Variants in WWOX observed in about 807,000 individuals in gnomAD.
WWOX encodes WW domain containing oxidoreductase, also known as WW domain-containing oxidoreductase.
A neutral mutation model predicts 46.2 loss-of-function variants in WWOX; 69 were observed. The ratio of observed to expected loss-of-function variants is 1.49; its 90% CI spans 1.23 to 1.82. WWOX has a LOEUF of 1.82. Ranked by LOEUF, WWOX falls within the 40% of genes most tolerant of loss-of-function variation. The pLI, the probability that WWOX is intolerant of heterozygous loss-of-function variation, is 0.00. For synonymous variants in WWOX, 359 were observed against 202.6 expected, an observed-to-expected ratio of 1.77 and a Z score of -6.56; for missense variants, 919 against 542.6, an observed-to-expected ratio of 1.69 and a Z score of -6.89.
chr16:78,160,287 C>G (rs531441049), intron 4 of WWOX, among the ~76,000 whole-genome samples: 1 of 152,084 alleles, frequency 6.6e-6, no homozygotes, highest in African/African-American at 2.4e-5. Flanking sequence ...TGTGCACCAC[C>G]ACGCCCAACT....
intron 8 of WWOX, among the ~76,000 whole-genome samples, chr16:78,590,145 A>ATTCTCTCT (rs201222690): frequency 1.5e-4 from 3 of 20,334 alleles, no homozygotes; most frequent in South Asian, 1.9e-3. Flanking sequence ...TTAGGCATTC[A>ATTCTCTCT]GTCTCTCTCT....
intron 5 of WWOX, among the ~76,000 whole-genome samples, chr16:78,252,103 A>T (rs1361566161): frequency 1.3e-5 from 2 of 152,152 alleles, no homozygotes; most frequent in African/African-American, 2.4e-5. Flanking sequence ...ATCAGCTATG[A>T]TCTGAGGGAG....
In WWOX at chr16:78,826,439, C is replaced by G. The variant is rs116722161; in HGVS notation, c.1057-385169C>G. On this transcript the variant is annotated intron_variant, in intron 8 of 8. Transcript: ENST00000566780. ...GCTATACTTACTTTGGAGGCTCTAG[C>G]TAAGAATCTGTTCCTTGCATCTTTC... Among the ~76,000 whole-genome samples, 573 of 152,330 alleles carry G rather than the reference C, an allele frequency of 3.8e-3. 2 individuals are homozygous for G. The highest frequency in any genetic ancestry group is 0.013 in the African/African-American group (543 of 41,574).
chr16:78,863,939 G>A (rs542770134), intron 8 of WWOX, among the ~76,000 whole-genome samples: 1 of 152,144 alleles, frequency 6.6e-6, no homozygotes, highest in Non-Finnish European at 1.5e-5. Context: ...ATCTCTCTTT[G>A]TGTGGCTGAA....
chr16:78,801,076 CAG>C (rs2050873432), intron 8 of WWOX, among the ~76,000 whole-genome samples: 1 of 150,324 alleles, frequency 6.7e-6, no homozygotes, highest in African/African-American at 2.5e-5. Context: ...TTTTTAAAGA[CAG>C]AGTCTCACTC....
chr16:78,669,825 A>C (rs144786481), intron 8 of WWOX, among the ~76,000 whole-genome samples: 3 of 152,344 alleles, frequency 2.0e-5, no homozygotes, highest in African/African-American at 7.2e-5. Context: ...TTCATTATTC[A>C]AAATAATCTC....
chr16:78,949,823 G>C (rs10871357), intron 8 of WWOX, among the ~76,000 whole-genome samples: 56,286 of 152,144 alleles, frequency 0.37, 12,032 homozygotes, highest in East Asian at 0.5. Context: ...AGAAATCTCC[G>C]TTGTAGATTC....
intron 8 of WWOX, among the ~76,000 whole-genome samples, chr16:79,041,886 T>C (rs1046648733): frequency 1.3e-5 from 2 of 152,140 alleles, no homozygotes; most frequent in African/African-American, 2.4e-5. Flanking sequence ...CACACGTGTT[T>C]AGAGAAACTG....
intron 8 of WWOX, among the ~76,000 whole-genome samples, chr16:78,978,347 A>G (rs1443803200): frequency 6.6e-6 from 1 of 152,158 alleles, no homozygotes; most frequent in Non-Finnish European, 1.5e-5. Flanking sequence ...TATGTTGGGT[A>G]TATACCTAGG....
chr16:78,334,356 G>A (rs1422949872), intron 5 of WWOX, among the ~76,000 whole-genome samples: 1 of 152,090 alleles, frequency 6.6e-6, no homozygotes, highest in African/African-American at 2.4e-5. Flanking sequence ...AGTCCCCAAA[G>A]TCGATTTTCA....
chr16:78,400,376 G>T (rs532026317), intron 6 of WWOX, among the ~76,000 whole-genome samples: 4 of 152,230 alleles, frequency 2.6e-5, no homozygotes, highest in Admixed American at 6.5e-5. Context: ...AAACTCCTGA[G>T]AGACTGACAG....
chr16:78,671,514 T>G (rs2047463089), intron 8 of WWOX, among the ~76,000 whole-genome samples: 1 of 152,216 alleles, frequency 6.6e-6, no homozygotes, highest in South Asian at 2.1e-4. Flanking sequence ...TAACTTGTGA[T>G]GGTTTAGCTT....
At chr16:78,445,251 G>T in intron 8 of WWOX, among the ~76,000 whole-genome samples, 1 of 152,186 alleles carries the variant, frequency 6.6e-6, no homozygotes, top group Non-Finnish European at 1.5e-5. Flanking sequence ...TTTCCACAAA[G>T]GATTTGGGGC....
At chr16:78,699,916 G>A (rs1020528885) in intron 8 of WWOX, among the ~76,000 whole-genome samples, 1 of 152,154 alleles carries the variant, frequency 6.6e-6, no homozygotes, top group Non-Finnish European at 1.5e-5. Flanking sequence ...GTCCCTATGA[G>A]GGGGACATTT....
At chr16:78,307,640 A>G (rs868450770) in intron 5 of WWOX, among the ~76,000 whole-genome samples, 17 of 152,220 alleles carry the variant, frequency 1.1e-4, no homozygotes, top group Admixed American at 3.3e-4. Flanking sequence ...GTCCAGAATG[A>G]TAAGAGAATA....
chr16:78,900,859 A>T (rs981738580), intron 8 of WWOX, among the ~76,000 whole-genome samples: 1 of 152,042 alleles, frequency 6.6e-6, no homozygotes, highest in Non-Finnish European at 1.5e-5. Context: ...AAAAAAAAAA[A>T]AAGAAAAAGA....
intron 5 of WWOX, among the ~76,000 whole-genome samples, chr16:78,171,621 C>T (rs905668478): frequency 2.4e-4 from 37 of 152,010 alleles, no homozygotes; most frequent in African/African-American, 8.7e-4. Flanking sequence ...TGTAGCTAAA[C>T]AAAAAGATAA....
At chr16:79,021,046 C>G (rs1355758388) in intron 8 of WWOX, among the ~76,000 whole-genome samples, 2 of 152,140 alleles carry the variant, frequency 1.3e-5, no homozygotes, top group Non-Finnish European at 1.5e-5. Flanking sequence ...AAAAAGTTTT[C>G]AGGGAGAGCA....
intron 8 of WWOX, among the ~76,000 whole-genome samples, chr16:78,916,542 A>G (rs905100344): frequency 5.9e-5 from 9 of 152,194 alleles, no homozygotes; most frequent in African/African-American, 1.7e-4. Context: ...TTACCATCCA[A>G]TGGATTTTGA....
Sources: gnomAD v4.1 joint callset for allele counts (sites outside exome capture counted in the v4.1 genomes callset) on GRCh38, gnomAD v4.1.1 for gene constraint, MANE v1.5 for transcripts, NCBI Gene and HGNC (gene_info 2026-07-23, HGNC 2026-07-21) for gene names.